RFX4: variants seen among roughly 807,000 people sequenced by gnomAD.
The protein encoded by RFX4 is regulatory factor X4, also known as transcription factor RFX4.
In RFX4, 10 loss-of-function variants were observed where a neutral mutation model predicts 95.0. The observed-to-expected ratio is 0.11, with a 90% CI of 0.06 to 0.18. The LOEUF is 0.18. Among genes scored for constraint, RFX4 ranks in the 10% least tolerant of loss-of-function variants. The pLI is 1.00. For missense variants in RFX4, 640 were observed against 922.0 expected, an observed-to-expected ratio of 0.69 and a Z score of 3.96; for synonymous variants, 321 against 340.7, an observed-to-expected ratio of 0.94 and a Z score of 0.64.
chr12:106,755,614 A>G (rs1410753647), intron 17 of RFX4, among the ~76,000 whole-genome samples: 1 of 152,222 alleles, frequency 6.6e-6, no homozygotes, highest in African/African-American at 2.4e-5. Flanking sequence ...GCCAAAGAGA[A>G]GCACACACCC....
chr12:106,749,298 G>T (rs1012841693), intron 16 of RFX4, among the ~76,000 whole-genome samples: 1 of 151,106 alleles, frequency 6.6e-6, no homozygotes, highest in Non-Finnish European at 1.5e-5. Flanking sequence ...ACCATGTGGT[G>T]CAGTGGGCCT....
intron 3 of RFX4, among the ~76,000 whole-genome samples, chr12:106,640,941 C>T (rs1244664160): frequency 9.2e-5 from 14 of 151,904 alleles, no homozygotes; most frequent in East Asian, 1.9e-4. Context: ...CCAACATGCC[C>T]GGCTAATTTT....
intron 5 of RFX4, among the ~76,000 whole-genome samples, chr12:106,686,034 G>GC (rs2041637832): frequency 6.6e-6 from 1 of 152,250 alleles, no homozygotes; most frequent in South Asian, 2.1e-4. Flanking sequence ...TCTGGTCTTC[G>GC]CTTTACATTC....
At chr12:106,706,002 A>G (rs1306747102) in intron 8 of RFX4, among the ~76,000 whole-genome samples, 3 of 152,232 alleles carry the variant, frequency 2.0e-5, no homozygotes, top group Non-Finnish European at 4.4e-5. Flanking sequence ...TCACAACTAC[A>G]TGGTCTTTCA....
At chr12:106,752,317 A>G (rs1050323915) in intron 17 of RFX4, among the ~76,000 whole-genome samples, 155 of 152,092 alleles carry the variant, frequency 1.0e-3, no homozygotes, top group African/African-American at 3.5e-3. Context: ...TGGTACCAGT[A>G]CCATGCTGTT....
chr12:106,707,795 T>A lies in RFX4; in HGVS notation c.834-1535T>A, dbSNP rs144201827. 8.3e-3 allele frequency among the ~76,000 whole-genome samples: 1,258 copies of A among 152,154 alleles called. 18 individuals carry two copies. The highest frequency in any genetic ancestry group is 0.029 in the African/African-American group (1,187 of 41,494). ...GGAGGAAATAAGAGGTTTGTTGTTG[T>A]TGTTGTTGTTGTTTTTAAGGTGAGA... On this transcript the variant is annotated intron_variant, in intron 8 of 17. Coordinates refer to ENST00000392842, the MANE Select transcript of RFX4 (RefSeq NM_213594.3).
intron 8 of RFX4, 86 bp from the exon 9 acceptor site, chr12:106,709,244 A>G: frequency 9.6e-7 from 1 of 1,044,146 alleles, no homozygotes; most frequent in Non-Finnish European, 1.4e-6. Context: ...CCAAAACATG[A>G]TTAGGGGAAA....
intron 1 of RFX4, 102 bp from the exon 2 acceptor site, chr12:106,608,695 A>G: frequency 9.5e-7 from 1 of 1,056,908 alleles, no homozygotes; most frequent in South Asian, 1.7e-5. Flanking sequence ...TTTAAATCTA[A>G]TGCATTTATG....
chr12:106,641,712 ATTC>A (rs2040626308), intron 3 of RFX4, among the ~76,000 whole-genome samples: 1 of 152,198 alleles, frequency 6.6e-6, no homozygotes, highest in Non-Finnish European at 1.5e-5. Context: ...ATATTCGCCT[ATTC>A]TTATCAAAAG....
chr12:106,734,078 G>A (rs891343433), intron 15 of RFX4, among the ~76,000 whole-genome samples: 9 of 152,142 alleles, frequency 5.9e-5, no homozygotes, highest in Non-Finnish European at 1.3e-4. Context: ...GACACAGAAG[G>A]ACAAATATAT....
intron 17 of RFX4, among the ~76,000 whole-genome samples, chr12:106,758,524 G>A (rs2043150419): frequency 3.3e-5 from 5 of 152,066 alleles, no homozygotes; most frequent in African/African-American, 4.8e-5. Flanking sequence ...ACACTCTCTC[G>A]GGTTCTGTGG....
intron 1 of RFX4, among the ~76,000 whole-genome samples, chr12:106,584,766 T>G (rs1438359991): frequency 6.6e-6 from 1 of 152,178 alleles, no homozygotes; most frequent in African/African-American, 2.4e-5. Flanking sequence ...TATTCTGTGT[T>G]TTAGGGTAGT....
intron 15 of RFX4, among the ~76,000 whole-genome samples, chr12:106,741,281 C>CA (rs756771489): frequency 1.4e-3 from 207 of 150,134 alleles, no homozygotes; most frequent in Non-Finnish European, 2.1e-3. Context: ...GACTCTGTCT[C>CA]AAAAAACAAA....
At chr12:106,729,003 G>T (rs547811347) in intron 13 of RFX4, among the ~76,000 whole-genome samples, 1 of 152,180 alleles carries the variant, frequency 6.6e-6, no homozygotes, top group Non-Finnish European at 1.5e-5. Flanking sequence ...TGTCAAATCC[G>T]CACTTTCCCT....
At chr12:106,688,116 CTA>C (rs1436323599) in intron 6 of RFX4, among the ~76,000 whole-genome samples, 2 of 146,368 alleles carry the variant, frequency 1.4e-5, no homozygotes, top group Non-Finnish European at 3.0e-5. Context: ...GTCATCCAGC[CTA>C]GAGTGCAGTG....
At chr12:106,731,123 T>C (rs544921914) in intron 13 of RFX4, among the ~76,000 whole-genome samples, 1 of 152,126 alleles carries the variant, frequency 6.6e-6, no homozygotes, top group African/African-American at 2.4e-5. Flanking sequence ...GATATCTACA[T>C]GGAGATGTCC....
At chr12:106,596,669 G>A (rs906140725) in intron 1 of RFX4, among the ~76,000 whole-genome samples, 3 of 152,176 alleles carry the variant, frequency 2.0e-5, no homozygotes, top group Admixed American at 1.3e-4. Context: ...TTCCAAAGCT[G>A]ATCCTGCTTT....
At chr12:106,605,926 C>A (rs1183359821) in intron 1 of RFX4, among the ~76,000 whole-genome samples, 1 of 152,162 alleles carries the variant, frequency 6.6e-6, no homozygotes, top group Admixed American at 6.5e-5. Flanking sequence ...ACCTCCCACC[C>A]TCTCCCACTT....
intron 2 of RFX4, among the ~76,000 whole-genome samples, chr12:106,609,945 AC>A (rs1224930658): frequency 6.6e-6 from 1 of 152,084 alleles, no homozygotes; most frequent in Non-Finnish European, 1.5e-5. Flanking sequence ...TTTGTGTGTA[AC>A]TTTTCTCAGT....
Sources: gnomAD v4.1 joint callset for allele counts (sites outside exome capture counted in the v4.1 genomes callset) on GRCh38, gnomAD v4.1.1 for gene constraint, MANE v1.5 for transcripts, NCBI Gene and HGNC (gene_info 2026-07-23, HGNC 2026-07-21) for gene names.